Variants in KCNQ4 observed in about 807,000 individuals in gnomAD.
KCNQ4 encodes the protein potassium voltage-gated channel subfamily KQT member 4.
A neutral mutation model predicts 72.6 loss-of-function variants in KCNQ4; 31 were observed. The observed-to-expected ratio is 0.43, with a 90% CI of 0.32 to 0.58. The LOEUF is 0.58. KCNQ4 is among the 20% of genes least tolerant of loss of function. The probability of loss-of-function intolerance (pLI) is 0.08; values close to 1 mark genes in which losing one functional copy is unlikely to be tolerated. For synonymous variants in KCNQ4, 405 were observed against 403.7 expected (o/e 1.00, Z -0.04); for missense variants, 869 against 962.6 (o/e 0.90, Z 1.29).
chr1:40,785,147 G>A (rs908903211), intron 1 of KCNQ4, among the ~76,000 whole-genome samples: 8 of 152,186 alleles, frequency 5.3e-5, no homozygotes, highest in African/African-American at 1.9e-4. Context: ...GAAAAAGAAA[G>A]AGGAGAGGGG....
intron 1 of KCNQ4, among the ~76,000 whole-genome samples, chr1:40,804,370 T>G (rs2148306050): frequency 6.6e-6 from 1 of 152,314 alleles, no homozygotes; most frequent in South Asian, 2.1e-4. Context: ...CTGTCTCTGA[T>G]CTACTGTATG....
intron 9 of KCNQ4, among the ~76,000 whole-genome samples, chr1:40,828,345 T>G (rs1166911516): frequency 6.6e-6 from 1 of 152,202 alleles, no homozygotes; most frequent in Non-Finnish European, 1.5e-5. Flanking sequence ...TGACATTAGA[T>G]AATTCTTTGT....
rs1210073348 is a variant in KCNQ4 at position 40,784,177 on chromosome 1, C to T, written c.84C>T (p.Ala28=). ...GCGCGGAGCTAGTGGCGCTCACGGC[C>T]GTGCAGAGCGAACAGGGCGAGGCGG... is the stretch of plus-strand genomic sequence containing the variant. ...APRAELVALT[A]VQSEQGEAGG... The change falls in exon 1 of 14, where the codon GCC becomes GCT. Residue 28 remains alanine, a synonymous_variant. Transcript: ENST00000347132. The surrounding 1 kb of genome is among the most constrained non-coding windows in gnomAD (Gnocchi z 4.1). The T allele has an allele frequency of 3.6e-6, 4 of 1,119,962 alleles. No homozygotes were observed. The highest frequency in any genetic ancestry group is 4.4e-6 in the Non-Finnish European group (4 of 912,210). 69.4% of individuals were successfully genotyped at this position (1,119,962 alleles called of 1,614,324 possible). A position where few individuals can be genotyped will look rare whatever the true frequency, so the allele number is the denominator to read the frequency against.
At chr1:40,791,344 C>A (rs1647279826) in intron 1 of KCNQ4, among the ~76,000 whole-genome samples, 1 of 152,140 alleles carries the variant, frequency 6.6e-6, no homozygotes, top group African/African-American at 2.4e-5. Context: ...TCTCTTCCAG[C>A]ATCTTCTCTG....
At chr1:40,787,934 G>A (rs910658560) in intron 1 of KCNQ4, among the ~76,000 whole-genome samples, 8 of 152,104 alleles carry the variant, frequency 5.3e-5, no homozygotes, top group African/African-American at 1.7e-4. Flanking sequence ...ACTATGAGCC[G>A]CAGGCCTGCC....
At chr1:40,798,425 A>G (rs1021464998) in intron 1 of KCNQ4, among the ~76,000 whole-genome samples, 3 of 152,206 alleles carry the variant, frequency 2.0e-5, no homozygotes, top group Admixed American at 2.0e-4. Context: ...GACAGTCCAC[A>G]AAGCCGTTTT....
At chr1:40,810,516 A>G (rs878042) in intron 1 of KCNQ4, among the ~76,000 whole-genome samples, 113,094 of 152,116 alleles carry the variant, frequency 0.74, 42,495 homozygotes, top group Non-Finnish European at 0.79. Context: ...TAGCCCAGAG[A>G]GGTCAGGTGA....
chr1:40,820,105 C>A, intron 6 of KCNQ4, 60 bp from the exon 7 acceptor site: 4 of 1,535,390 alleles, frequency 2.6e-6, no homozygotes, highest in Non-Finnish European at 3.6e-6. Context: ...GACACCCTTG[C>A]AGCCTCTTAC....
Position 40,824,165 on chromosome 1 carries a change from G to T in KCNQ4, c.1199G>T (p.Arg400Leu). The change falls in exon 9 of 14, where the codon CGG (arginine) becomes CTG (leucine). Residue 400 changes from arginine (R) to leucine (L), a missense_variant. By Grantham distance (102) the Arg-to-Leu change is moderately radical. Transcript: ENST00000347132. ...RNGGLRPLEV[R>L]RAPVPDGAPS... ...GGGGGCCTACGGCCCCTGGAGGTGCGGCGGGCGCCGGTACCCGACGGAGCA... is the reference window on the plus strand; with the variant it reads ...GGGGGCCTACGGCCCCTGGAGGTGCTGCGGGCGCCGGTACCCGACGGAGCA... 1 of 1,554,096 alleles carries T rather than the reference G, an allele frequency of 6.4e-7. No homozygotes were observed. Among genetic ancestry groups the T allele is most frequent in the Non-Finnish European group, 8.7e-7 (1 of 1,149,426 alleles).
In KCNQ4 at chr1:40,839,670, C is replaced by T; in HGVS notation, c.*1147C>T. ...CTTCTTCAAGAAGATCTCCTCCTCTCTGGTCCAGGAGCCCTAACCCACTGC... is the reference window on the plus strand; with the variant it reads ...CTTCTTCAAGAAGATCTCCTCCTCTTTGGTCCAGGAGCCCTAACCCACTGC... On this transcript the variant is annotated 3_prime_UTR_variant, in exon 14 of 14. Transcript: ENST00000347132. 1 of 152,606 alleles carries T rather than the reference C, an allele frequency of 6.6e-6. No homozygotes were observed. The highest frequency in any genetic ancestry group is 1.5e-5 in the Non-Finnish European group (1 of 68,410). 9.5% of individuals were successfully genotyped at this position (152,606 alleles called of 1,614,324 possible).
In KCNQ4 at chr1:40,819,439, C is replaced by T; in HGVS notation, c.801C>T (p.Phe267=). 5 of 1,613,920 alleles carry T rather than the reference C, an allele frequency of 3.1e-6. No individual in the cohort carries two copies. The South Asian group carries it at 5.5e-5, about 18-fold the overall frequency. ...YLAEKDANSD[F]SSYADSLWWG... ...CTGAGAAGGACGCCAACTCCGACTT[C>T]TCCTCCTACGCCGACTCGCTCTGGT... is the stretch of plus-strand genomic sequence containing the variant. The change falls in exon 5 of 14, where the codon TTC becomes TTT. Residue 267 remains phenylalanine (F), a synonymous_variant. Transcript: ENST00000347132.
At chr1:40,818,987 T>C (rs1473098567) in intron 4 of KCNQ4, 19 of 564,058 alleles carry the variant, frequency 3.4e-5, no homozygotes, top group Middle Eastern at 9.9e-4. Flanking sequence ...AGTGGGCAGC[T>C]GAGGTGGGAC....
chr1:40,821,883 A>T (rs1648308162), intron 7 of KCNQ4, among the ~76,000 whole-genome samples: 1 of 152,206 alleles, frequency 6.6e-6, no homozygotes, highest in Non-Finnish European at 1.5e-5. Flanking sequence ...TATACCAGGC[A>T]CTGAGCTTGG....
intron 1 of KCNQ4, among the ~76,000 whole-genome samples, chr1:40,796,020 C>T (rs1647399016): frequency 6.6e-6 from 1 of 152,126 alleles, no homozygotes; most frequent in Non-Finnish European, 1.5e-5. Flanking sequence ...GAAACACTGC[C>T]CTTGTCACAC....
chr1:40,815,663 GCCA>G (rs1433803690), intron 1 of KCNQ4, among the ~76,000 whole-genome samples: 1 of 152,086 alleles, frequency 6.6e-6, no homozygotes, highest in Non-Finnish European at 1.5e-5. Context: ...ACCGACATCT[GCCA>G]CCTACCTTCT....
chr1:40,793,052 G>A (rs532390143), intron 1 of KCNQ4, among the ~76,000 whole-genome samples: 42 of 122,744 alleles, frequency 3.4e-4, no homozygotes, highest in Middle Eastern at 5.9e-3. Context: ...TGTCACCCAC[G>A]CTGGAGTGCA....
chr1:40,831,399 C>T (rs1265116974), intron 10 of KCNQ4, 95 bp downstream of exon 10: 1 of 1,040,212 alleles, frequency 9.6e-7, no homozygotes, highest in African/African-American at 1.6e-5. Flanking sequence ...TGGCTCGCGT[C>T]TCAGCTCTGG....
rs369779625 is a variant in KCNQ4, at chr1:40,834,979, C to T, written c.1626C>T (p.Phe542=). 3 of 1,613,632 alleles carry T rather than the reference C, an allele frequency of 1.9e-6. No individual in the cohort carries two copies. Among genetic ancestry groups the T allele is most frequent in the Non-Finnish European group, 1.7e-6 (2 of 1,179,762 alleles). ...CCTCCCCCAACAGGATTCTCAAGTT[C>T]CTGGTGGCCAAAAGGAAATTCAAGG... ...TVIRSIRILK[F]LVAKRKFKET... is the part of the protein sequence containing the mutation. Residue 542 remains phenylalanine (F), a synonymous_variant, in exon 12 of 14, where the codon TTC becomes TTT. Transcript: ENST00000347132.
intron 4 of KCNQ4, chr1:40,819,099 G>GCCTGGAA: frequency 2.0e-6 from 1 of 503,018 alleles, no homozygotes. Flanking sequence ...GGAGTCCTGA[G>GCCTGGAA]CCTGGAACCT....
Sources: gnomAD v4.1 joint callset for allele counts (sites outside exome capture counted in the v4.1 genomes callset) on GRCh38, gnomAD v4.1.1 for gene constraint, Gnocchi (gnomAD v3.1) non-coding constraint, MANE v1.5 for transcripts, NCBI Gene and HGNC (gene_info 2026-07-23, HGNC 2026-07-21) for gene names.